The following ZC3H7B variants were observed in gnomAD, a reference collection of about 807,000 sequenced individuals.
ZC3H7B encodes zinc finger CCCH-type containing 7B, also known as zinc finger CCCH domain-containing protein 7B.
Under a neutral mutation model 116.0 loss-of-function variants are expected in ZC3H7B, and 35 were observed. The ratio of observed to expected loss-of-function variants is 0.30; its 90% confidence interval spans 0.23 to 0.40. ZC3H7B has a LOEUF of 0.40. Among genes scored for constraint, ZC3H7B ranks in the 10% least tolerant of loss-of-function variants. The pLI, the probability that ZC3H7B is intolerant of heterozygous loss-of-function variation, is 1.00. For synonymous variants in ZC3H7B, 502 were observed against 545.6 expected, an observed-to-expected ratio of 0.92 and a Z score of 1.11; for missense variants, 1,011 against 1,321.5, an observed-to-expected ratio of 0.77 and a Z score of 3.64.
chr22:41,312,192 C>A (rs537733236), intron 1 of ZC3H7B, among the ~76,000 whole-genome samples: 1 of 150,684 alleles, frequency 6.6e-6, no homozygotes, highest in East Asian at 2.0e-4. Context: ...CCTAGCTCGG[C>A]GTGGTGGCTC....
intron 1 of ZC3H7B, among the ~76,000 whole-genome samples, chr22:41,307,227 T>G (rs2036055465): frequency 6.6e-6 from 1 of 152,078 alleles, no homozygotes; most frequent in Non-Finnish European, 1.5e-5. Flanking sequence ...CCACCCGCCT[T>G]GGCCTCCCTA....
intron 1 of ZC3H7B, among the ~76,000 whole-genome samples, chr22:41,316,736 G>A (rs977435200): frequency 3.3e-5 from 5 of 151,398 alleles, no homozygotes; most frequent in Admixed American, 2.0e-4. Context: ...GTGCAACGGC[G>A]CAATCTTGGC....
chr22:41,347,352 T>C (rs1484167045), intron 14 of ZC3H7B, among the ~76,000 whole-genome samples: 1 of 152,250 alleles, frequency 6.6e-6, no homozygotes, highest in East Asian at 1.9e-4. Flanking sequence ...CTGGCTTCAG[T>C]GGCCATTGCG....
chr22:41,311,319 T>G (rs2050154798), intron 1 of ZC3H7B, among the ~76,000 whole-genome samples: 1 of 151,936 alleles, frequency 6.6e-6, no homozygotes, highest in Admixed American at 6.6e-5. Flanking sequence ...TAAAGGTGGC[T>G]GAGAACAGGA....
chr22:41,305,100 A>C (rs2036022602), intron 1 of ZC3H7B, among the ~76,000 whole-genome samples: 1 of 152,156 alleles, frequency 6.6e-6, no homozygotes, highest in Admixed American at 6.6e-5. Context: ...TAATCCCAGC[A>C]CTTTGGGACG....
Position 41,325,769 on chromosome 22 carries a change from C to T in ZC3H7B, c.136C>T (p.Leu46=), listed in dbSNP as rs777577417. Reference sequence around the variant, plus strand: ...GAATCTGTTTGCTGAGGGCAATGATCTGTTCCGGGAGAAGGACTATAAGCA... The same window carrying T: ...GAATCTGTTTGCTGAGGGCAATGATTTGTTCCGGGAGAAGGACTATAAGCA... ...VQNLFAEGND[L]FREKDYKQAL... is the part of the protein sequence containing the mutation. The change falls in exon 4 of 23, where the codon CTG becomes TTG. Residue 46 remains leucine (L), a synonymous_variant. Coordinates refer to ENST00000352645, the MANE Select transcript of ZC3H7B (RefSeq NM_017590.6). The T allele has an allele frequency of 1.2e-6, 2 of 1,614,012 alleles. No homozygotes were observed. The highest frequency in any genetic ancestry group is 4.5e-5 in the East Asian group (2 of 44,878).
Position 41,346,134 on chromosome 22 carries a change from G to A in ZC3H7B, c.1591G>A (p.Gly531Ser). The change falls in exon 14 of 23, where the codon GGT (glycine) becomes AGT (serine). Residue 531 changes from glycine to serine, a missense_variant. Transcript: ENST00000352645. The surrounding 1 kb of genome is among the most constrained non-coding windows in gnomAD (Gnocchi z 5.3). ...NRDLLFDPLG[G>S]VKRGSLTIAK... ...CGACCTGCTCTTCGACCCGCTGGGGGGTGTTAAGCGCGGCAGCCTCACCAT... is the reference window on the plus strand; with the variant it reads ...CGACCTGCTCTTCGACCCGCTGGGGAGTGTTAAGCGCGGCAGCCTCACCAT... The A allele has an allele frequency of 1.2e-6, 2 of 1,613,358 alleles. No homozygotes were observed. The highest frequency in any genetic ancestry group is 1.7e-5 in the Admixed American group (1 of 60,014).
Position 41,346,145 on chromosome 22 carries a change from C to T in ZC3H7B, c.1602C>T (p.Arg534=), listed in dbSNP as rs199631018. ...LLFDPLGGVK[R]GSLTIAKLLK... ...TCGACCCGCTGGGGGGTGTTAAGCG[C>T]GGCAGCCTCACCATCGCCAAGCTCC... Residue 534 remains arginine (R), a synonymous_variant, in exon 14 of 23, where the codon CGC becomes CGT. Transcript: ENST00000352645. The surrounding 1 kb of genome is among the most constrained non-coding windows in gnomAD (Gnocchi z 5.3). The T allele has an allele frequency of 2.5e-5, 41 of 1,613,036 alleles. No homozygotes were observed. Among genetic ancestry groups the T allele is most frequent in the Admixed American group, 5.0e-5 (3 of 60,024 alleles).
chr22:41,344,332 G>A (rs916067238), intron 13 of ZC3H7B, among the ~76,000 whole-genome samples: 3 of 152,130 alleles, frequency 2.0e-5, no homozygotes, highest in African/African-American at 7.2e-5. Flanking sequence ...CTGGTCTAAG[G>A]ACATGTCACT....
Position 41,339,008 on chromosome 22 carries a change from C to T in ZC3H7B, c.633C>T (p.Tyr211=), listed in dbSNP as rs770966921. ...GSIDDIETDC[Y]VDPRGSPALL... ...TGCCCACCCCATCCGCAGACTGCTA[C>T]GTGGACCCTCGAGGCTCCCCAGCCC... Residue 211 remains tyrosine, a synonymous_variant, in exon 9 of 23, where the codon TAC becomes TAT. Coordinates refer to ENST00000352645, the MANE Select transcript of ZC3H7B (RefSeq NM_017590.6). 14 of 1,584,804 alleles carry T rather than the reference C, an allele frequency of 8.8e-6. No homozygotes were observed. In the Middle Eastern group the frequency reaches 5.1e-4, roughly 57 times the overall value.
At chr22:41,356,941 T>C (rs2036729059) in intron 22 of ZC3H7B, 133 bp downstream of exon 22, 17 of 1,352,626 alleles carry the variant, frequency 1.3e-5, no homozygotes, top group Non-Finnish European at 1.6e-5. Flanking sequence ...ACTGCAGCCA[T>C]GGGGGTGGTG....
At chr22:41,354,211 C>G (rs895226722) in intron 17 of ZC3H7B, among the ~76,000 whole-genome samples, 4 of 152,152 alleles carry the variant, frequency 2.6e-5, no homozygotes, top group African/African-American at 9.7e-5. Context: ...CTTTATCTCG[C>G]CCAAGAAATG....
Position 41,356,492 on chromosome 22 carries a change from T to G in ZC3H7B, c.2517+16T>G. ...GGACATCATGGTAACGCCTCCGCCC[T>G]GCATGCTCGGGGCTGCGGTCGGGGC... On this transcript the variant is annotated intron_variant, in intron 21 of 22. Coordinates refer to ENST00000352645, the MANE Select transcript of ZC3H7B (RefSeq NM_017590.6). 6.2e-7 allele frequency: 1 copy of G among 1,613,732 alleles called. No individual in the cohort carries two copies. The highest frequency in any genetic ancestry group is 1.1e-5 in the South Asian group (1 of 91,086).
intron 1 of ZC3H7B, among the ~76,000 whole-genome samples, chr22:41,311,375 G>T (rs929221244): frequency 6.6e-6 from 1 of 152,032 alleles, no homozygotes; most frequent in Non-Finnish European, 1.5e-5. Context: ...TGGAAGAGGA[G>T]TAGGATTAGG....
At chr22:41,317,029 G>T (rs1601767081) in intron 1 of ZC3H7B, among the ~76,000 whole-genome samples, 2 of 152,066 alleles carry the variant, frequency 1.3e-5, no homozygotes, top group Admixed American at 1.3e-4. Flanking sequence ...TGTATTCTTA[G>T]TAGAGACAGT....
intron 10 of ZC3H7B, among the ~76,000 whole-genome samples, chr22:41,340,613 A>AACGGGACTGTCGGGGC (rs1199817454): frequency 3.3e-5 from 5 of 152,166 alleles, no homozygotes; most frequent in Non-Finnish European, 5.9e-5. Context: ...GAGAGGGCTT[A>AACGGGACTGTCGGGGC]ACGGGACTGT....
At chr22:41,347,334 C>T (rs906154641) in intron 14 of ZC3H7B, among the ~76,000 whole-genome samples, 9 of 152,260 alleles carry the variant, frequency 5.9e-5, no homozygotes, top group Admixed American at 2.6e-4. Flanking sequence ...TGCCTTTCCT[C>T]GGCCCTCCTG....
chr22:41,338,294 T>A lies in ZC3H7B; in HGVS notation c.583-19T>A. On this transcript the variant is annotated intron_variant, in intron 7 of 22. Transcript: ENST00000352645. The surrounding 1 kb of genome is among the most constrained non-coding windows in gnomAD (Gnocchi z 4.5). ...GGGGCCTTCCCAGCCACAGCGCCAC[T>A]GTGGCCCTCTCCCCACAGGGAACTT... The A allele has an allele frequency of 1.9e-6, 3 of 1,611,156 alleles. No homozygotes were observed. The highest frequency in any genetic ancestry group is 2.5e-6 in the Non-Finnish European group (3 of 1,179,528).
intron 16 of ZC3H7B, among the ~76,000 whole-genome samples, chr22:41,350,890 G>C (rs1459727654): frequency 6.6e-6 from 1 of 152,214 alleles, no homozygotes; most frequent in Non-Finnish European, 1.5e-5. Flanking sequence ...TGGAGCAGGG[G>C]CCATAGGTCA....
Sources: allele counts gnomAD v4.1 joint callset (sites outside exome capture counted in the v4.1 genomes callset), GRCh38; gene constraint gnomAD v4.1.1; non-coding constraint Gnocchi (gnomAD v3.1); transcripts MANE v1.5; gene names NCBI Gene and HGNC (gene_info 2026-07-23, HGNC 2026-07-21).